The following RBMS3 variants were observed in gnomAD, a reference collection of about 807,000 sequenced individuals.
RBMS3 encodes the protein RNA binding motif single stranded interacting protein 3.
RBMS3 carries 27 observed loss-of-function variants against 66.8 expected under a neutral mutation model. That is an observed-to-expected ratio of 0.40 (90% CI 0.30 to 0.56). RBMS3 has a LOEUF of 0.56. Among genes scored for constraint, RBMS3 ranks in the 20% least tolerant of loss-of-function variants. The pLI is 0.40. For synonymous variants in RBMS3, 188 were observed against 183.0 expected (o/e 1.03, Z -0.22); for missense variants, 513 against 549.5 (o/e 0.93, Z 0.66).
At chr3:29,691,940 T>C (rs1253655733) in intron 4 of RBMS3, among the ~76,000 whole-genome samples, 2 of 127,444 alleles carry the variant, frequency 1.6e-5, no homozygotes, top group Non-Finnish European at 3.3e-5. Context: ...CTTCTCTCTC[T>C]CTCTCTCTAT....
intron 4 of RBMS3, among the ~76,000 whole-genome samples, chr3:29,697,689 A>G (rs555820114): frequency 1.3e-5 from 2 of 152,326 alleles, no homozygotes; most frequent in East Asian, 3.9e-4. Context: ...GAGTTTGTTT[A>G]TGTTTCATAT....
At chr3:29,744,055 A>G (rs2054762397) in intron 5 of RBMS3, among the ~76,000 whole-genome samples, 1 of 151,728 alleles carries the variant, frequency 6.6e-6, no homozygotes, top group Non-Finnish European at 1.5e-5. Context: ...TGATACTGAC[A>G]CTGCTGATAT....
At chr3:29,822,982 G>T (rs2058110684) in intron 6 of RBMS3, among the ~76,000 whole-genome samples, 1 of 152,112 alleles carries the variant, frequency 6.6e-6, no homozygotes, top group African/African-American at 2.4e-5. Context: ...ATTGTAATTT[G>T]TTGCTTAGTT....
intron 6 of RBMS3, among the ~76,000 whole-genome samples, chr3:29,850,559 C>T (rs1559736593): frequency 2.6e-5 from 4 of 152,032 alleles, no homozygotes. Flanking sequence ...CTATCCTGTT[C>T]TCCATTTTCG....
intron 6 of RBMS3, among the ~76,000 whole-genome samples, chr3:29,787,436 T>C (rs1455372368): frequency 1.3e-5 from 2 of 152,020 alleles, no homozygotes; most frequent in Non-Finnish European, 2.9e-5. Context: ...CCAGCCCAAA[T>C]GCCCACCAAT....
At chr3:29,550,964 T>C (rs1488656902) in intron 3 of RBMS3, among the ~76,000 whole-genome samples, 1 of 152,192 alleles carries the variant, frequency 6.6e-6, no homozygotes, top group African/African-American at 2.4e-5. Flanking sequence ...AGAAGTGGTG[T>C]CCACTAAAGT....
chr3:29,935,085 C>T (rs537953698), intron 10 of RBMS3, among the ~76,000 whole-genome samples: 1 of 152,074 alleles, frequency 6.6e-6, no homozygotes, highest in Non-Finnish European at 1.5e-5. Flanking sequence ...ACTTTTATCA[C>T]AATCTTTAAA....
At chr3:29,732,246 G>A (rs2054170630) in intron 4 of RBMS3, among the ~76,000 whole-genome samples, 1 of 152,190 alleles carries the variant, frequency 6.6e-6, no homozygotes, top group African/African-American at 2.4e-5. Context: ...TTCAGTCACG[G>A]TCTGAAGACA....
chr3:29,870,638 A>G (rs2149553323), intron 7 of RBMS3, among the ~76,000 whole-genome samples: 1 of 152,274 alleles, frequency 6.6e-6, no homozygotes, highest in African/African-American at 2.4e-5. Flanking sequence ...AGCATGAAAA[A>G]TGCTATATGT....
intron 3 of RBMS3, among the ~76,000 whole-genome samples, chr3:29,532,237 C>CATATATATATATATATATATATAT (rs71688232): frequency 2.2e-5 from 2 of 92,136 alleles, no homozygotes; most frequent in Admixed American, 1.0e-4. Context: ...TTTAATTTCG[C>CATATATATATATATATATATATAT]ATATATATGT....
chr3:29,669,700 G>A (rs529870967), intron 4 of RBMS3, among the ~76,000 whole-genome samples: 4 of 152,244 alleles, frequency 2.6e-5, no homozygotes, highest in Admixed American at 2.0e-4. Flanking sequence ...TCACATGAGT[G>A]TACATTCTCT....
intron 1 of RBMS3, among the ~76,000 whole-genome samples, chr3:29,359,577 G>A (rs1284368068): frequency 6.6e-6 from 1 of 152,158 alleles, no homozygotes; most frequent in Non-Finnish European, 1.5e-5. Context: ...AGTTAGGGAG[G>A]ATTCCCTCTT....
Position 29,578,915 on chromosome 3 carries a change from C to T in RBMS3, c.308-8199C>T, listed in dbSNP as rs570091799. On this transcript the variant is annotated intron_variant, in intron 3 of 14. Coordinates refer to ENST00000383767, the MANE Select transcript of RBMS3 (RefSeq NM_001003793.3). ...TTCCCGGGTTCACGCCATTCTCCTG[C>T]CTCAGCCTCCCGAGTAGCTGGGACT... Among the ~76,000 whole-genome samples, 118 of 144,338 alleles carry T rather than the reference C, an allele frequency of 8.2e-4. 4 individuals carry two copies. Among genetic ancestry groups the T allele is most frequent in the African/African-American group, 3.1e-3 (116 of 37,936 alleles). The allele number at this position is 144,338 out of a possible 152,430, so 94.7% of individuals were successfully genotyped here.
intron 6 of RBMS3, among the ~76,000 whole-genome samples, chr3:29,850,468 T>C (rs1321606748): frequency 6.6e-6 from 1 of 152,188 alleles, no homozygotes; most frequent in Non-Finnish European, 1.5e-5. Flanking sequence ...CATCCCTTCT[T>C]CCACTGAGAC....
chr3:29,702,677 C>G (rs1252384307), intron 4 of RBMS3, among the ~76,000 whole-genome samples: 1 of 151,944 alleles, frequency 6.6e-6, no homozygotes, highest in Non-Finnish European at 1.5e-5. Flanking sequence ...ATGAACAACT[C>G]TGGATGAGAG....
At chr3:29,745,205 G>C (rs1055983284) in intron 5 of RBMS3, among the ~76,000 whole-genome samples, 2 of 152,120 alleles carry the variant, frequency 1.3e-5, no homozygotes, top group Admixed American at 6.5e-5. Context: ...GCACAAGATA[G>C]TGTCTGAAAT....
At chr3:29,336,656 G>C (rs187939748) in intron 1 of RBMS3, among the ~76,000 whole-genome samples, 1 of 152,034 alleles carries the variant, frequency 6.6e-6, no homozygotes, top group Admixed American at 6.6e-5. Flanking sequence ...ATACATATGT[G>C]AATATTCTTA....
Position 29,679,768 on chromosome 3 carries a change from G to GTATATATA in RBMS3, c.400-59940_400-59933dup, listed in dbSNP as rs34934611. Among the ~76,000 whole-genome samples, 311 of 145,416 alleles carry GTATATATA rather than the reference G, an allele frequency of 2.1e-3. 3 individuals carry two copies. The highest frequency in any genetic ancestry group is 7.3e-3 in the African/African-American group (283 of 38,606). ...TAGCAATAATTTATACTACTTGACT[G>GTATATATA]TATATATATATATATATATTATACA... On this transcript the variant is annotated intron_variant, in intron 4 of 14. Coordinates refer to ENST00000383767, the MANE Select transcript of RBMS3 (RefSeq NM_001003793.3).
intron 3 of RBMS3, among the ~76,000 whole-genome samples, chr3:29,557,136 T>C (rs1170199444): frequency 6.6e-6 from 1 of 152,232 alleles, no homozygotes; most frequent in Non-Finnish European, 1.5e-5. Context: ...TACAGGGAAG[T>C]CTGAGAAAGT....
Sources: allele counts gnomAD v4.1 joint callset (sites outside exome capture counted in the v4.1 genomes callset), GRCh38; gene constraint gnomAD v4.1.1; transcripts MANE v1.5; gene names NCBI Gene and HGNC (gene_info 2026-07-23, HGNC 2026-07-21).